Variants in HERC1 observed in about 807,000 individuals in gnomAD.
HERC1 encodes the protein probable E3 ubiquitin-protein ligase HERC1.
A neutral mutation model predicts 554.3 loss-of-function variants in HERC1; 160 were observed. The ratio of observed to expected loss-of-function variants is 0.29; its 90% CI spans 0.25 to 0.33. The LOEUF (loss-of-function observed/expected upper bound fraction) is 0.33, where lower values mean the gene tolerates loss of function less well. HERC1 is among the 10% of genes least tolerant of loss of function. The pLI is 1.00. For missense variants in HERC1, 4,919 were observed against 5,918.5 expected, an observed-to-expected ratio of 0.83 and a Z score of 5.54; for synonymous variants, 2,175 against 2,131.7, an observed-to-expected ratio of 1.02 and a Z score of -0.56.
chr15:63,793,926 C>A (rs999550225), intron 1 of HERC1, among the ~76,000 whole-genome samples: 2 of 152,148 alleles, frequency 1.3e-5, no homozygotes, highest in Non-Finnish European at 2.9e-5. Flanking sequence ...GAGGTCAGCA[C>A]AAAATACAGG....
intron 1 of HERC1, among the ~76,000 whole-genome samples, chr15:63,814,160 G>A (rs2077418687): frequency 6.6e-6 from 1 of 152,076 alleles, no homozygotes; most frequent in South Asian, 2.1e-4. Context: ...TATATAAATA[G>A]ACCTATTAAA....
At chr15:63,696,383 A>G in intron 26 of HERC1, 44 bp from the exon 27 acceptor site, 2 of 1,367,412 alleles carry the variant, frequency 1.5e-6, no homozygotes, top group Non-Finnish European at 2.0e-6. Flanking sequence ...CTTAACTCAG[A>G]CATGATGAAA....
In HERC1 at chr15:63,725,293, C is replaced by G; in HGVS notation, c.3567G>C (p.Leu1189Phe). The change falls in exon 18 of 78, where the codon TTG (leucine) becomes TTC (phenylalanine). Residue 1189 changes from leucine to phenylalanine, a missense_variant and splice_region_variant. This residue lies in a region of HERC1 where 1,121 missense variants were observed against 1,244.0 expected (regional missense o/e 0.90). Coordinates refer to ENST00000443617, the MANE Select transcript of HERC1 (RefSeq NM_003922.4). ...AAATGCTGCAGAGAAGCACATTACC[C>G]AATTGAGGAGTGTCCATTTCTACAC... is the stretch of plus-strand genomic sequence containing the variant. ...SDGVEMDTPQ[L>F]DKCMSCLLEV... is the part of the protein sequence containing the mutation. The G allele has an allele frequency of 6.2e-7, 1 of 1,612,490 alleles. No homozygotes were observed. The highest frequency in any genetic ancestry group is 1.1e-5 in the South Asian group (1 of 91,004).
chr15:63,686,326 A>C, intron 34 of HERC1, 33 bp downstream of exon 34: 1 of 1,521,332 alleles, frequency 6.6e-7, no homozygotes, highest in Non-Finnish European at 8.8e-7. Context: ...ACTAAAAGAC[A>C]AAATGCTAAA....
At chr15:63,661,065 C>G (rs375418502) in intron 45 of HERC1, 40 bp from the exon 46 acceptor site, 11 of 1,404,608 alleles carry the variant, frequency 7.8e-6, no homozygotes, top group Non-Finnish European at 1.1e-5. Flanking sequence ...TTATATAAAA[C>G]AGTTAGTACC....
At chr15:63,741,558 C>T (rs1370031835) in intron 12 of HERC1, among the ~76,000 whole-genome samples, 2 of 152,202 alleles carry the variant, frequency 1.3e-5, no homozygotes, top group African/African-American at 2.4e-5. Flanking sequence ...CCACCTGCCT[C>T]GGCATTCCAA....
Position 63,767,783 on chromosome 15 carries a change from G to A in HERC1, c.931-3592C>T, listed in dbSNP as rs920841980. ...TTTGGAGAGTTCTCCGAAGAGCTGA[G>A]TATTACATGGCAGAACTTTTTTGTC... On this transcript the variant is annotated intron_variant, in intron 2 of 77. Transcript: ENST00000443617. Among the ~76,000 whole-genome samples the A allele has an allele frequency of 2.2e-4, 33 of 152,200 alleles. 1 individual carries two copies. Among genetic ancestry groups the A allele is most frequent in the Admixed American group, 2.0e-3 (30 of 15,280 alleles).
chr15:63,700,729 A>AAAAAAAAAAC, intron 25 of HERC1, among the ~76,000 whole-genome samples: 1 of 150,154 alleles, frequency 6.7e-6, no homozygotes, highest in Admixed American at 6.6e-5. Context: ...AAAAAAAAAA[A>AAAAAAAAAAC]AGCTTAATTT....
intron 3 of HERC1, among the ~76,000 whole-genome samples, chr15:63,759,179 T>C (rs1473530778): frequency 3.3e-5 from 5 of 152,202 alleles, no homozygotes; most frequent in African/African-American, 9.7e-5. Flanking sequence ...AAGAATCCTA[T>C]GATTCTTGAA....
intron 2 of HERC1, among the ~76,000 whole-genome samples, chr15:63,773,831 C>G (rs1169341308): frequency 6.6e-6 from 1 of 152,164 alleles, no homozygotes; most frequent in Non-Finnish European, 1.5e-5. Context: ...AGGCATGAGA[C>G]ACCGCACCCA....
At chr15:63,810,667 T>C (rs1363846779) in intron 1 of HERC1, among the ~76,000 whole-genome samples, 1 of 152,218 alleles carries the variant, frequency 6.6e-6, no homozygotes, top group Non-Finnish European at 1.5e-5. Context: ...TAGTTTTCTA[T>C]GGATGCTAAA....
At chr15:63,795,259 T>C (rs78896533) in intron 1 of HERC1, among the ~76,000 whole-genome samples, 1,666 of 152,216 alleles carry the variant, frequency 0.011, 27 homozygotes, top group African/African-American at 0.038. Context: ...GCTTGCCTTT[T>C]TCAATGGTTT....
chr15:63,658,240 G>A (rs2070158410), intron 48 of HERC1, among the ~76,000 whole-genome samples: 1 of 152,072 alleles, frequency 6.6e-6, no homozygotes, highest in African/African-American at 2.4e-5. Flanking sequence ...AATACATTTT[G>A]ACCTTTAGTT....
At chr15:63,640,550 T>G in intron 60 of HERC1, 105 bp from the exon 61 acceptor site, 1 of 941,510 alleles carries the variant, frequency 1.1e-6, no homozygotes, top group Admixed American at 2.8e-5. Flanking sequence ...TCAAGTTTAC[T>G]GTTTAAGCTT....
At chr15:63,821,129 T>C (rs2077675380) in intron 1 of HERC1, among the ~76,000 whole-genome samples, 1 of 152,162 alleles carries the variant, frequency 6.6e-6, no homozygotes, top group African/African-American at 2.4e-5. Context: ...AGCTTAAGAA[T>C]TACTTGAACT....
intron 33 of HERC1, among the ~76,000 whole-genome samples, chr15:63,686,976 GTGATT>G (rs2153023471): frequency 6.6e-6 from 1 of 152,308 alleles, no homozygotes; most frequent in South Asian, 2.1e-4. Flanking sequence ...ACAGAGTTCA[GTGATT>G]TAAAGACAAG....
intron 1 of HERC1, among the ~76,000 whole-genome samples, chr15:63,797,717 C>G (rs565232002): frequency 1.9e-4 from 29 of 152,188 alleles, no homozygotes; most frequent in Admixed American, 3.9e-4. Context: ...GTAGTGGTCT[C>G]TGTTAATTGA....
At position 63,640,580 on chromosome 15, in the gene HERC1, A is replaced by G; in HGVS notation, c.11608-135T>C. ...AAGCTTTTTGCTAGGAAATAATTTTAGATTTAGAGTGAGTTGTACAGATAG... is the reference window on the plus strand; with the variant it reads ...AAGCTTTTTGCTAGGAAATAATTTTGGATTTAGAGTGAGTTGTACAGATAG... On this transcript the variant is annotated intron_variant, in intron 60 of 77. Coordinates refer to ENST00000443617, the MANE Select transcript of HERC1 (RefSeq NM_003922.4). 6.6e-6 allele frequency: 5 copies of G among 757,140 alleles called. No homozygotes were observed. In the Admixed American group the frequency reaches 1.2e-4, roughly 17 times the overall value. 46.9% of individuals were successfully genotyped at this position (757,140 alleles called of 1,614,324 possible). A position where few individuals can be genotyped will look rare whatever the true frequency, so the allele number is the denominator to read the frequency against.
chr15:63,720,262 C>G (rs2073761917), intron 19 of HERC1, among the ~76,000 whole-genome samples: 1 of 151,832 alleles, frequency 6.6e-6, no homozygotes, highest in Non-Finnish European at 1.5e-5. Context: ...AGCTACCACA[C>G]TCGGCCTCTT....
Sources: allele counts gnomAD v4.1 joint callset (sites outside exome capture counted in the v4.1 genomes callset), GRCh38; gene constraint gnomAD v4.1.1; regional missense constraint gnomAD v4.1.1; transcripts MANE v1.5; gene names NCBI Gene and HGNC (gene_info 2026-07-23, HGNC 2026-07-21).